Variants in ADGRL3 observed in about 807,000 individuals in gnomAD.
ADGRL3 encodes adhesion G protein-coupled receptor L3, also known as calcium-independent alpha-latrotoxin receptor 3.
Under a neutral mutation model 153.5 loss-of-function variants are expected in ADGRL3, and 62 were observed. That is an observed-to-expected ratio of 0.40 (90% CI 0.33 to 0.50). ADGRL3 has a LOEUF of 0.50. ADGRL3 is among the 20% of genes least tolerant of loss of function. ADGRL3 has a pLI of 0.47. For synonymous variants in ADGRL3, 710 were observed against 672.5 expected, an observed-to-expected ratio of 1.06 and a Z score of -0.86; for missense variants, 1,641 against 1,859.4, an observed-to-expected ratio of 0.88 and a Z score of 2.16.
intron 3 of ADGRL3, among the ~76,000 whole-genome samples, chr4:61,514,777 A>C (rs1056717932): frequency 4.0e-5 from 6 of 151,706 alleles, no homozygotes; most frequent in Admixed American, 6.6e-5. Flanking sequence ...AAATCGTTTT[A>C]CTCCTCAAGC....
At chr4:61,320,151 A>T (rs1578253093) in intron 1 of ADGRL3, among the ~76,000 whole-genome samples, 1 of 152,170 alleles carries the variant, frequency 6.6e-6, no homozygotes, top group African/African-American at 2.4e-5. Flanking sequence ...ATTGGCTGGC[A>T]CCTTGATCTT....
At chr4:62,018,786 C>G (rs989719727) in intron 21 of ADGRL3, among the ~76,000 whole-genome samples, 2 of 152,086 alleles carry the variant, frequency 1.3e-5, no homozygotes, top group African/African-American at 4.8e-5. Flanking sequence ...AAGCAAAAGA[C>G]TTGGAAGAAT....
At chr4:61,223,884 A>T (rs1183181270) in intron 1 of ADGRL3, among the ~76,000 whole-genome samples, 1 of 152,190 alleles carries the variant, frequency 6.6e-6, no homozygotes, top group Non-Finnish European at 1.5e-5. Context: ...ACTCTGAATT[A>T]TGAGTTTATA....
rs1045391486 is a variant in ADGRL3, at chr4:62,071,194, T to C, written c.*286T>C. 6.8e-6 allele frequency: 2 copies of C among 294,954 alleles called. No individual in the cohort carries two copies. Among genetic ancestry groups the C allele is most frequent in the Non-Finnish European group, 1.3e-5 (2 of 157,848 alleles). The allele number at this position is 294,954 out of a possible 1,614,324, so 18.3% of individuals were successfully genotyped here. On this transcript the variant is annotated 3_prime_UTR_variant, in exon 27 of 27. Transcript: ENST00000683033. The stretch of plus-strand genomic sequence containing the variant: ...CAAGATATGAAGAAAATGGCACTCA[T>C]TGTGGCCTTGTTGAATTATGTTGTG...
intron 22 of ADGRL3, 142 bp from the exon 23 acceptor site, chr4:62,031,300 A>G (rs925027580): frequency 3.4e-6 from 2 of 595,226 alleles, no homozygotes; most frequent in Non-Finnish European, 5.5e-6. Flanking sequence ...TAAAACCTTA[A>G]AGTACTTACA....
At position 61,304,367 on chromosome 4, in the gene ADGRL3, T is replaced by A. The variant is rs146411678; in HGVS notation, c.-239-78757T>A. Among the ~76,000 whole-genome samples, 213 of 152,344 alleles carry A rather than the reference T, an allele frequency of 1.4e-3. 6 individuals are homozygous for A. In the East Asian group the frequency reaches 0.038, roughly 27 times the overall value. Reference sequence around the variant, plus strand: ...GATTGTGAGGCTTTCAGCCTCTTTGTTTATATTATTGACTAAAGTGATTAC... The same window carrying A: ...GATTGTGAGGCTTTCAGCCTCTTTGATTATATTATTGACTAAAGTGATTAC... On this transcript the variant is annotated intron_variant, in intron 1 of 26. Coordinates refer to ENST00000683033, the MANE Select transcript of ADGRL3 (RefSeq NM_001387552.1).
At chr4:61,696,879 G>A (rs2095653141) in intron 6 of ADGRL3, among the ~76,000 whole-genome samples, 1 of 151,846 alleles carries the variant, frequency 6.6e-6, no homozygotes, top group Non-Finnish European at 1.5e-5. Context: ...GTTTCACCAT[G>A]TTGGTGAGGC....
chr4:61,935,206 G>C (rs377416934), intron 14 of ADGRL3, among the ~76,000 whole-genome samples, 183 bp downstream of exon 14: 1 of 152,174 alleles, frequency 6.6e-6, no homozygotes, highest in African/African-American at 2.4e-5. Flanking sequence ...AAGATCATGT[G>C]TGCTATCTTT....
At chr4:61,628,372 G>A (rs1041445500) in intron 5 of ADGRL3, among the ~76,000 whole-genome samples, 1 of 152,040 alleles carries the variant, frequency 6.6e-6, no homozygotes, top group Admixed American at 6.6e-5. Flanking sequence ...TGACAGCTAC[G>A]GTAACTTAAT....
chr4:61,480,060 C>A (rs2098115715), intron 2 of ADGRL3, among the ~76,000 whole-genome samples: 1 of 152,098 alleles, frequency 6.6e-6, no homozygotes, highest in African/African-American at 2.4e-5. Flanking sequence ...AGTCTCTCAG[C>A]AAATTTCAAG....
At chr4:61,303,296 A>G (rs1033124134) in intron 1 of ADGRL3, among the ~76,000 whole-genome samples, 2 of 152,170 alleles carry the variant, frequency 1.3e-5, no homozygotes, top group African/African-American at 4.8e-5. Flanking sequence ...ATCTTCCTGT[A>G]TCACAGTTTA....
At chr4:61,286,384 A>C (rs1472772354) in intron 1 of ADGRL3, among the ~76,000 whole-genome samples, 2 of 151,050 alleles carry the variant, frequency 1.3e-5, no homozygotes, top group Admixed American at 6.6e-5. Flanking sequence ...TCACCTCATC[A>C]TGCTAGCTAG....
chr4:61,476,432 G>A (rs1053531180), intron 2 of ADGRL3, among the ~76,000 whole-genome samples: 17 of 152,046 alleles, frequency 1.1e-4, no homozygotes, highest in East Asian at 9.8e-4. Flanking sequence ...TTGGCCAGGC[G>A]CTGTGGCTCA....
chr4:61,312,249 C>G (rs72614727), intron 1 of ADGRL3, among the ~76,000 whole-genome samples: 1 of 151,904 alleles, frequency 6.6e-6, no homozygotes, highest in Non-Finnish European at 1.5e-5. Flanking sequence ...AGACACATAC[C>G]TTACACCTTT....
At chr4:61,756,518 G>T (rs1351053700) in intron 8 of ADGRL3, among the ~76,000 whole-genome samples, 2 of 152,172 alleles carry the variant, frequency 1.3e-5, no homozygotes, top group Non-Finnish European at 2.9e-5. Context: ...GGAGATTTTG[G>T]GCTGAGACGA....
intron 23 of ADGRL3, among the ~76,000 whole-genome samples, chr4:62,031,956 T>TACACAC (rs146856591): frequency 6.2e-4 from 86 of 137,840 alleles, no homozygotes; most frequent in East Asian, 2.1e-3. Flanking sequence ...GCATGAGTTA[T>TACACAC]ACACACACAC....
Position 61,381,628 on chromosome 4 carries a change from G to GA in ADGRL3, c.-239-1489dup, listed in dbSNP as rs550519273. On this transcript the variant is annotated intron_variant, in intron 1 of 26. Transcript: ENST00000683033. ...CAGAATGTATTTCCCAGATGGGAGG[G>GA]AAAAAAATAAAAGATCTTAAAGGTG... 4.4e-3 allele frequency among the ~76,000 whole-genome samples: 672 copies of GA among 151,654 alleles called. 5 individuals carry two copies. Among genetic ancestry groups the GA allele is most frequent in the Non-Finnish European group, 3.2e-3 (219 of 67,804 alleles).
intron 1 of ADGRL3, among the ~76,000 whole-genome samples, chr4:61,256,003 T>G (rs553594073): frequency 6.6e-6 from 1 of 152,184 alleles, no homozygotes; most frequent in Non-Finnish European, 1.5e-5. Context: ...TTAAGTTCCT[T>G]CAAAGATTGC....
chr4:62,010,921 TTAGAA>T (rs1380054461), intron 21 of ADGRL3, among the ~76,000 whole-genome samples: 1 of 152,160 alleles, frequency 6.6e-6, no homozygotes, highest in African/African-American at 2.4e-5. Context: ...ATTTTAAACT[TTAGAA>T]TAAAGTTTCA....
Sources: gnomAD v4.1 joint callset for allele counts (sites outside exome capture counted in the v4.1 genomes callset) on GRCh38, gnomAD v4.1.1 for gene constraint, MANE v1.5 for transcripts, NCBI Gene and HGNC (gene_info 2026-07-23, HGNC 2026-07-21) for gene names.